APPBP2: variants seen among roughly 807,000 people sequenced by gnomAD.
The protein encoded by APPBP2 is amyloid beta precursor protein binding protein 2, also known as amyloid protein-binding protein 2.
APPBP2 carries 15 observed loss-of-function variants against 76.0 expected under a neutral mutation model. The observed-to-expected ratio is 0.20, with a 90% CI of 0.13 to 0.30. The LOEUF (loss-of-function observed/expected upper bound fraction) is 0.30, where lower values mean the gene tolerates loss of function less well. Ranked by LOEUF, APPBP2 falls within the 10% of genes least tolerant of loss-of-function variation. APPBP2 has a pLI of 1.00. For missense variants in APPBP2, 401 were observed against 687.2 expected, an observed-to-expected ratio of 0.58 and a Z score of 4.66; for synonymous variants, 222 against 242.2, an observed-to-expected ratio of 0.92 and a Z score of 0.77.
intron 1 of APPBP2, among the ~76,000 whole-genome samples, chr17:60,505,697 T>G (rs2090862284): frequency 7.0e-6 from 1 of 142,346 alleles, no homozygotes; most frequent in African/African-American, 2.7e-5. Context: ...TTTTTTTTTT[T>G]TTTTTTGAGA....
chr17:60,471,083 C>G (rs2090549098), intron 4 of APPBP2, among the ~76,000 whole-genome samples: 1 of 152,100 alleles, frequency 6.6e-6, no homozygotes. Flanking sequence ...AGGTGTGAGC[C>G]ACAGGGCCCG....
At chr17:60,466,642 C>A (rs1335921018) in intron 4 of APPBP2, among the ~76,000 whole-genome samples, 183 bp from the exon 5 acceptor site, 1 of 152,142 alleles carries the variant, frequency 6.6e-6, no homozygotes, top group Admixed American at 6.6e-5. Context: ...ATGCTCTTTC[C>A]TGAAAGCGTC....
chr17:60,495,462 A>G (rs2090767827), intron 2 of APPBP2, among the ~76,000 whole-genome samples: 1 of 148,786 alleles, frequency 6.7e-6, no homozygotes, highest in Non-Finnish European at 1.5e-5. Context: ...TTATTTATTT[A>G]TTTATTTATT....
Position 60,526,155 on chromosome 17 carries a change from G to C in APPBP2, c.-224C>G, listed in dbSNP as rs560369877. 1.8e-6 allele frequency: 1 copy of C among 551,592 alleles called. No individual in the cohort carries two copies. The highest frequency in any genetic ancestry group is 3.1e-5 in the Admixed American group (1 of 31,824). The allele number at this position is 551,592 out of a possible 1,614,324, so 34.2% of individuals were successfully genotyped here. A position where few individuals can be genotyped will look rare whatever the true frequency, so the allele number is the denominator to read the frequency against. ...AAAGTGGGACAGAAAACAGCGGCCAGCCAGGCCAAAAGCGTCACAATCCCG... is the reference window on the plus strand; with the variant it reads ...AAAGTGGGACAGAAAACAGCGGCCACCCAGGCCAAAAGCGTCACAATCCCG... On this transcript the variant is annotated 5_prime_UTR_variant, in exon 1 of 13. Coordinates refer to ENST00000083182, the MANE Select transcript of APPBP2 (RefSeq NM_006380.5).
intron 1 of APPBP2, among the ~76,000 whole-genome samples, chr17:60,515,645 C>T (rs1361465935): frequency 2.0e-5 from 3 of 152,182 alleles, no homozygotes; most frequent in Non-Finnish European, 2.9e-5. Flanking sequence ...TTTTGAACTT[C>T]ATATAAATGA....
At chr17:60,510,817 A>C (rs554898942) in intron 1 of APPBP2, among the ~76,000 whole-genome samples, 2 of 152,148 alleles carry the variant, frequency 1.3e-5, no homozygotes, top group Non-Finnish European at 2.9e-5. Flanking sequence ...AATGTCCTTT[A>C]TCTGTTGCTT....
intron 1 of APPBP2, among the ~76,000 whole-genome samples, chr17:60,502,069 A>T (rs547870343): frequency 1.5e-4 from 23 of 152,222 alleles, no homozygotes; most frequent in African/African-American, 4.6e-4. Flanking sequence ...TTATTTATTT[A>T]TTTTTTAATG....
At chr17:60,470,744 A>G (rs1026555953) in intron 4 of APPBP2, among the ~76,000 whole-genome samples, 1 of 147,530 alleles carries the variant, frequency 6.8e-6, no homozygotes, top group Non-Finnish European at 1.5e-5. Context: ...TACCCAGCTA[A>G]TTTTCCTATT....
At chr17:60,479,323 G>A (rs762242087) in intron 3 of APPBP2, 52 bp from the exon 4 acceptor site, 1 of 1,545,346 alleles carries the variant, frequency 6.5e-7, no homozygotes, top group East Asian at 2.3e-5. Flanking sequence ...TAGCCTGCAA[G>A]ATAAAATGAC....
At chr17:60,479,345 G>A in intron 3 of APPBP2, 74 bp from the exon 4 acceptor site, 1 of 1,399,554 alleles carries the variant, frequency 7.1e-7, no homozygotes, top group Non-Finnish European at 9.7e-7. Flanking sequence ...TGCTGACAGT[G>A]AATATTACCT....
In APPBP2 at chr17:60,516,343, C is replaced by A. The variant is rs1043113450; in HGVS notation, c.138+9451G>T. ...TTTTTGTGCATTTTAAGAAACAGATCTTAAGTTGTTAGGACATAAATAATA... is the reference window on the plus strand; with the variant it reads ...TTTTTGTGCATTTTAAGAAACAGATATTAAGTTGTTAGGACATAAATAATA... On this transcript the variant is annotated intron_variant, in intron 1 of 12. Coordinates refer to ENST00000083182, the MANE Select transcript of APPBP2 (RefSeq NM_006380.5). Among the ~76,000 whole-genome samples the A allele has an allele frequency of 2.0e-5, 3 of 152,220 alleles. No homozygotes were observed. In the East Asian group the frequency reaches 5.8e-4, roughly 29 times the overall value.
intron 1 of APPBP2, among the ~76,000 whole-genome samples, chr17:60,504,354 A>C (rs765157715): frequency 6.6e-6 from 1 of 152,318 alleles, no homozygotes; most frequent in East Asian, 1.9e-4. Flanking sequence ...AACAAAATGC[A>C]AAGTTCAAAA....
intron 1 of APPBP2, among the ~76,000 whole-genome samples, chr17:60,506,571 T>C (rs898882464): frequency 6.6e-6 from 1 of 152,202 alleles, no homozygotes; most frequent in Non-Finnish European, 1.5e-5. Context: ...ACTGTTTTTT[T>C]TACCTCCACA....
chr17:60,494,621 T>C lies in APPBP2; in HGVS notation c.228-4A>G. On this transcript the variant is annotated splice_polypyrimidine_tract_variant and splice_region_variant and intron_variant, in intron 2 of 12. Transcript: ENST00000083182. ...AAAACAATGATGAAGCAAATGTCTG[T>C]AAGAAAAGAAAAAGATTATTTTATA... 1 of 1,572,780 alleles carries C rather than the reference T, an allele frequency of 6.4e-7. No individual in the cohort carries two copies. Among genetic ancestry groups the C allele is most frequent in the Non-Finnish European group, 8.6e-7 (1 of 1,169,404 alleles).
intron 1 of APPBP2, among the ~76,000 whole-genome samples, chr17:60,511,037 G>T (rs767804690): frequency 1.4e-3 from 207 of 152,060 alleles, no homozygotes; most frequent in Non-Finnish European, 2.3e-3. Context: ...TAGGTCAATG[G>T]CATAATTTTC....
intron 12 of APPBP2, among the ~76,000 whole-genome samples, chr17:60,450,615 T>TA (rs572100853): frequency 0.016 from 2,248 of 137,412 alleles, 60 homozygotes; most frequent in African/African-American, 0.051. Context: ...ATTGAAACAA[T>TA]AAAAAAAAAA....
At chr17:60,500,056 G>C (rs2090809798) in intron 2 of APPBP2, among the ~76,000 whole-genome samples, 1 of 150,142 alleles carries the variant, frequency 6.7e-6, no homozygotes, top group South Asian at 2.1e-4. Flanking sequence ...CTGTCACCCA[G>C]GCTGGAGTGC....
intron 3 of APPBP2, among the ~76,000 whole-genome samples, chr17:60,483,584 G>A (rs183076996): frequency 1.6e-3 from 250 of 152,076 alleles, no homozygotes; most frequent in African/African-American, 4.4e-3. Flanking sequence ...TAGTAGAGAC[G>A]GGGTTTCACC....
At chr17:60,512,612 G>A (rs2090923342) in intron 1 of APPBP2, among the ~76,000 whole-genome samples, 2 of 151,352 alleles carry the variant, frequency 1.3e-5, no homozygotes, top group African/African-American at 2.4e-5. Context: ...TGAGGCGGGA[G>A]GATCACGAGG....
Sources: allele counts gnomAD v4.1 joint callset (sites outside exome capture counted in the v4.1 genomes callset), GRCh38; gene constraint gnomAD v4.1.1; transcripts MANE v1.5; gene names NCBI Gene and HGNC (gene_info 2026-07-23, HGNC 2026-07-21).